Variants in RANBP2 observed in about 807,000 individuals in gnomAD.
The protein encoded by RANBP2 is E3 SUMO-protein ligase RanBP2.
A neutral mutation model predicts 303.6 loss-of-function variants in RANBP2; 57 were observed. That is an observed-to-expected ratio of 0.19 (90% CI 0.15 to 0.23). RANBP2 has a LOEUF of 0.23. Ranked by LOEUF, RANBP2 falls within the 10% of genes least tolerant of loss-of-function variation. The pLI is 1.00. For missense variants in RANBP2, 3,138 were observed against 3,780.8 expected (o/e 0.83, Z 4.46); for synonymous variants, 1,167 against 1,301.5 (o/e 0.90, Z 2.23).
At chr2:108,932,528 CAAAAAAA>C in the RANBP2 span, among the ~76,000 whole-genome samples, 2,626 of 39,054 alleles carry the variant, frequency 0.067, 34 homozygotes, top group Non-Finnish European at 0.097. Flanking sequence ...GACTCTGTCT[CAAAAAAA>C]AAAAAAAAAA....
At chr2:109,384,136 C>T in the RANBP2 span, among the ~76,000 whole-genome samples, 5 of 152,224 alleles carry the variant, frequency 3.3e-5, no homozygotes, top group Non-Finnish European at 7.3e-5. Flanking sequence ...AGTGCCCTCC[C>T]CACAGTTCCT....
chr2:109,585,885 TTGACTTAAATAGGATG>T, the RANBP2 span: 1 of 1,451,662 alleles, frequency 6.9e-7, no homozygotes. Context: ...AAAAACAACT[TTGACTTAAATAGGATG>T]TAGGCACACT....
At chr2:109,020,109 A>G in the RANBP2 span, among the ~76,000 whole-genome samples, 1 of 152,326 alleles carries the variant, frequency 6.6e-6, no homozygotes, top group African/African-American at 2.4e-5. Flanking sequence ...GCTGTCTTTT[A>G]TAACACCACT....
chr2:109,273,566 G>A, the RANBP2 span, among the ~76,000 whole-genome samples: 3 of 152,236 alleles, frequency 2.0e-5, no homozygotes, highest in East Asian at 3.8e-4. Flanking sequence ...TGAGGTGCCA[G>A]GTGTCTTGTA....
At chr2:109,501,785 C>T in the RANBP2 span, 1 of 628,470 alleles carries the variant, frequency 1.6e-6, no homozygotes, top group South Asian at 1.8e-5. Context: ...TCCAAGGCAC[C>T]TGGCGGGGGA....
chr2:109,667,374 A>G, the RANBP2 span: 42 of 467,630 alleles, frequency 9.0e-5, no homozygotes, highest in East Asian at 1.6e-3. Flanking sequence ...ACTGTAACTC[A>G]GTTTTGATCA....
At chr2:109,737,244 C>A in the RANBP2 span, 14 of 803,114 alleles carry the variant, frequency 1.7e-5, no homozygotes, top group Middle Eastern at 3.7e-4. Context: ...GAAGATTATT[C>A]TTCTTCAAAT....
At position 108,735,718 on chromosome 2, in the gene RANBP2, C is replaced by T. The variant is rs138524088; in HGVS notation, c.592C>T (p.Arg198Cys). 1.6e-5 allele frequency: 26 copies of T among 1,597,416 alleles called. No homozygotes were observed. The highest frequency in any genetic ancestry group is 1.1e-4 in the East Asian group (5 of 44,896). ...TGAGGCAGAGAGGAACATAGCTTTG[C>T]GTTCAAGTTTAGAATGGAATTCGTG... is the stretch of plus-strand genomic sequence containing the variant. ...CHEAERNIALRSSLEWNSCVV... is the reference protein window; with the variant it reads ...CHEAERNIALCSSLEWNSCVV... The change falls in exon 5 of 29, where the codon CGT (arginine) becomes TGT (cysteine). Residue 198 changes from arginine to cysteine, a missense_variant. By Grantham distance (180) the Arg-to-Cys change is radical. This residue lies in a region of RANBP2 where 306 missense variants were observed against 381.9 expected (regional missense o/e 0.80). Coordinates refer to ENST00000283195, the MANE Select transcript of RANBP2 (RefSeq NM_006267.5).
the RANBP2 span, among the ~76,000 whole-genome samples, chr2:109,400,887 T>C: frequency 1.0e-2 from 1,520 of 152,314 alleles, 37 homozygotes; most frequent in African/African-American, 0.031. Context: ...TTGGGGCTGC[T>C]AGTGCATTTT....
At chr2:109,602,868 T>G in the RANBP2 span, among the ~76,000 whole-genome samples, 1 of 145,878 alleles carries the variant, frequency 6.9e-6, no homozygotes, top group African/African-American at 2.6e-5. Flanking sequence ...TTAAAAGGAC[T>G]TAAAGCCTGA....
At chr2:108,969,381 G>T in the RANBP2 span, among the ~76,000 whole-genome samples, 52 of 152,244 alleles carry the variant, frequency 3.4e-4, no homozygotes, top group Non-Finnish European at 6.6e-4. Flanking sequence ...AGTTCGGATG[G>T]TTGTATCTCC....
At chr2:109,605,259 C>T in the RANBP2 span, 1 of 152,068 alleles carries the variant, frequency 6.6e-6, no homozygotes, top group Non-Finnish European at 1.5e-5. Context: ...CACCTGAGGT[C>T]AGGAGTTTGA....
chr2:109,318,146 T>C, the RANBP2 span, among the ~76,000 whole-genome samples: 2 of 150,564 alleles, frequency 1.3e-5, no homozygotes, highest in Non-Finnish European at 2.9e-5. Context: ...TCTAGGGACA[T>C]TGAGAGACTA....
the RANBP2 span, among the ~76,000 whole-genome samples, chr2:109,050,621 A>G: frequency 2.0e-5 from 3 of 152,064 alleles, no homozygotes; most frequent in African/African-American, 2.4e-5. Flanking sequence ...TTTCTACTGG[A>G]CAGCTGGCAC....
the RANBP2 span, among the ~76,000 whole-genome samples, chr2:108,868,940 A>G: frequency 1.3e-5 from 2 of 152,250 alleles, no homozygotes; most frequent in Middle Eastern, 3.4e-3. Flanking sequence ...TGATTAAGCT[A>G]TAAGTTGGAT....
chr2:109,074,108 T>C, the RANBP2 span, among the ~76,000 whole-genome samples: 2 of 150,832 alleles, frequency 1.3e-5, no homozygotes, highest in Non-Finnish European at 3.0e-5. Context: ...GGTTCATACC[T>C]GTAATCCCAA....
chr2:109,032,836 A>T, the RANBP2 span, among the ~76,000 whole-genome samples: 2 of 152,222 alleles, frequency 1.3e-5, no homozygotes, highest in Non-Finnish European at 2.9e-5. Context: ...GCCTAATTCC[A>T]CACAGAGTTT....
At chr2:109,205,198 C>G in the RANBP2 span, among the ~76,000 whole-genome samples, 462 of 151,812 alleles carry the variant, frequency 3.0e-3, 3 homozygotes, top group African/African-American at 0.011. Context: ...CAGAGTGAAA[C>G]TCCGTCTCTA....
the RANBP2 span, among the ~76,000 whole-genome samples, chr2:109,221,537 GCGCCAGTGCA>G: frequency 6.7e-6 from 1 of 148,628 alleles, no homozygotes; most frequent in Non-Finnish European, 1.5e-5. Flanking sequence ...AGCCGCGATC[GCGCCAGTGCA>G]CTCCAGCCTG....
Sources: gnomAD v4.1 joint callset for allele counts (sites outside exome capture counted in the v4.1 genomes callset) on GRCh38, gnomAD v4.1.1 for gene constraint, gnomAD v4.1.1 regional missense constraint, MANE v1.5 for transcripts, NCBI Gene and HGNC (gene_info 2026-07-23, HGNC 2026-07-21) for gene names.